KMT2C: variants seen among roughly 807,000 people sequenced by gnomAD.
The protein encoded by KMT2C is histone-lysine N-methyltransferase 2C.
A neutral mutation model predicts 507.9 loss-of-function variants in KMT2C; 88 were observed. The observed-to-expected ratio is 0.17, with a 90% CI of 0.15 to 0.21. The LOEUF is 0.21. KMT2C is among the 10% of genes least tolerant of loss of function. The probability of loss-of-function intolerance (pLI) is 1.00; values close to 1 mark genes in which losing one functional copy is unlikely to be tolerated. For missense variants in KMT2C, 4,954 were observed against 5,957.8 expected, an observed-to-expected ratio of 0.83 and a Z score of 5.55; for synonymous variants, 2,049 against 2,080.8, an observed-to-expected ratio of 0.98 and a Z score of 0.42.
intron 1 of KMT2C, among the ~76,000 whole-genome samples, chr7:152,397,609 T>C: frequency 6.6e-6 from 1 of 152,126 alleles, no homozygotes; most frequent in South Asian, 2.1e-4. Context: ...ACACACTTGA[T>C]ATGGTTTGGC....
intron 1 of KMT2C, among the ~76,000 whole-genome samples, chr7:152,371,276 A>G (rs1026523068): frequency 2.0e-5 from 3 of 152,226 alleles, no homozygotes; most frequent in Admixed American, 6.5e-5. Context: ...GAGACGTTAA[A>G]TGTAAAGTTG....
At chr7:152,243,125 G>A (rs113409342) in intron 14 of KMT2C, among the ~76,000 whole-genome samples, 14 of 152,118 alleles carry the variant, frequency 9.2e-5, no homozygotes, top group African/African-American at 3.1e-4. Context: ...AATTGAGTTC[G>A]ATATCAAGTA....
chr7:152,184,565 TATG>T (rs2093562250), intron 34 of KMT2C, among the ~76,000 whole-genome samples: 2 of 152,194 alleles, frequency 1.3e-5, no homozygotes, highest in South Asian at 4.1e-4. Flanking sequence ...AAAGATTCTC[TATG>T]AAACCTAACA....
chr7:152,151,300 G>A (rs1363142863), intron 50 of KMT2C, 142 bp downstream of exon 50: 1 of 818,358 alleles, frequency 1.2e-6, no homozygotes, highest in African/African-American at 1.7e-5. Context: ...AAGCACATCT[G>A]ATATACGCTG....
Position 152,315,306 on chromosome 7 carries a change from T to C in KMT2C, c.422A>G (p.Glu141Gly), listed in dbSNP as rs757111455. The change falls in exon 4 of 59, where the codon GAA (glutamate) becomes GGA (glycine). Residue 141 changes from glutamate (E) to glycine (G), a missense_variant. Glu to Gly is a moderately conservative substitution (Grantham distance 98, BLOSUM62 -2). Around this residue, in one of 29 missense-constraint regions of KMT2C, gnomAD observed 233 missense variants for 263.6 expected, o/e 0.88. Transcript: ENST00000262189. ...GTCTCCTTGTCCTAAGGAACTTTTT[T>C]CCCCACAGTAACAAAAAGCGCAGAG... ...EQLCAFCYCG[E>G]KSSLGQGDLK... 1 of 1,613,976 alleles carries C rather than the reference T, an allele frequency of 6.2e-7. No homozygotes were observed. Among genetic ancestry groups the C allele is most frequent in the East Asian group, 2.2e-5 (1 of 44,828 alleles).
rs753440174 is a variant in KMT2C at position 152,163,442 on chromosome 7, G to C, written c.10135C>G (p.Pro3379Ala). ...TCATCAAATTCTACCCGAGGTGGTG[G>C]TCCACTCTGTGGATTTGCATTTGAG... is the stretch of plus-strand genomic sequence containing the variant. ...TVSNANPQSG[P>A]PPRVEFDDNN... is the part of the protein sequence containing the mutation. The change falls in exon 43 of 59, where the codon CCA becomes GCA. Residue 3379 changes from proline (P) to alanine (A), a missense_variant. By Grantham distance (27) the Pro-to-Ala change is conservative (BLOSUM62 -1). This residue lies in a region of KMT2C where 801 missense variants were observed against 751.2 expected (regional missense o/e 1.07). Transcript: ENST00000262189. 2.5e-6 allele frequency: 4 copies of C among 1,614,076 alleles called. No homozygotes were observed. The highest frequency in any genetic ancestry group is 3.4e-6 in the Non-Finnish European group (4 of 1,180,044).
intron 1 of KMT2C, among the ~76,000 whole-genome samples, chr7:152,364,934 G>GACAGACAGACACAC (rs1554680382): frequency 4.3e-5 from 6 of 138,164 alleles, no homozygotes; most frequent in East Asian, 2.1e-4. Flanking sequence ...GAAACAGACA[G>GACAGACAGACACAC]ACACACACAC....
In KMT2C at chr7:152,303,218, G is replaced by A. The variant is rs1589048263; in HGVS notation, c.849+6748C>T. Among the ~76,000 whole-genome samples the A allele has an allele frequency of 2.0e-5, 3 of 152,112 alleles. No individual in the cohort carries two copies. In the East Asian group the frequency reaches 5.8e-4, roughly 29 times the overall value. On this transcript the variant is annotated intron_variant, in intron 6 of 58. Coordinates refer to ENST00000262189, the MANE Select transcript of KMT2C (RefSeq NM_170606.3). The stretch of plus-strand genomic sequence containing the variant: ...TGTTTCAGAGAAAACAAAATTGCTT[G>A]ACAAAAATGCCATGTTAACAACCGA...
chr7:152,355,861 T>C (rs114072506), intron 2 of KMT2C, among the ~76,000 whole-genome samples: 1,836 of 152,230 alleles, frequency 0.012, 44 homozygotes, highest in African/African-American at 0.043. Flanking sequence ...AGCTGTATAG[T>C]ACCTAAAAGG....
At chr7:152,435,434 G>C (rs1448377254) in intron 1 of KMT2C, among the ~76,000 whole-genome samples, 192 bp downstream of exon 1, 2 of 147,418 alleles carry the variant, frequency 1.4e-5, no homozygotes, top group Non-Finnish European at 3.0e-5. Context: ...CGCGGAGCGG[G>C]GGAGGCCGGG....
chr7:152,434,901 G>A (rs1028840761), intron 1 of KMT2C, among the ~76,000 whole-genome samples: 2 of 152,134 alleles, frequency 1.3e-5, no homozygotes, highest in Non-Finnish European at 2.9e-5. Flanking sequence ...TTGGTATTCT[G>A]CCTTACGAGG....
rs142923466 is a variant in KMT2C at position 152,309,703 on chromosome 7, T to A, written c.849+263A>T. Among the ~76,000 whole-genome samples the A allele has an allele frequency of 7.6e-3, 1,158 of 151,604 alleles. 18 individuals are homozygous for A. Among genetic ancestry groups the A allele is most frequent in the African/African-American group, 0.027 (1,117 of 41,314 alleles). ...GCCCAGCTAATTTTTGTATTTTTGG[T>A]AGAGAAGGGGTTTTACCATGTTGGC... On this transcript the variant is annotated intron_variant, in intron 6 of 58. Coordinates refer to ENST00000262189, the MANE Select transcript of KMT2C (RefSeq NM_170606.3).
intron 1 of KMT2C, among the ~76,000 whole-genome samples, chr7:152,377,319 C>T (rs1444487741): frequency 1.3e-5 from 2 of 152,286 alleles, no homozygotes; most frequent in South Asian, 2.1e-4. Context: ...CCAGGTCATT[C>T]GAGGGCTTTG....
chr7:152,305,304 T>C (rs969561893), intron 6 of KMT2C, among the ~76,000 whole-genome samples: 2 of 152,184 alleles, frequency 1.3e-5, no homozygotes, highest in Non-Finnish European at 2.9e-5. Flanking sequence ...ATTTGAAATC[T>C]TTGACAGCAA....
At chr7:152,427,721 T>C (rs1413837622) in intron 1 of KMT2C, among the ~76,000 whole-genome samples, 1 of 152,232 alleles carries the variant, frequency 6.6e-6, no homozygotes, top group Non-Finnish European at 1.5e-5. Flanking sequence ...AATCCTTTAC[T>C]AATTCCCATA....
chr7:152,349,007 T>C (rs958160128), intron 2 of KMT2C, among the ~76,000 whole-genome samples: 14 of 152,136 alleles, frequency 9.2e-5, no homozygotes, highest in Admixed American at 6.5e-5. Flanking sequence ...AAATTGCACA[T>C]AGATGTTGAC....
chr7:152,199,544 G>A (rs1226950729), intron 26 of KMT2C, 85 bp from the exon 27 acceptor site: 1 of 794,820 alleles, frequency 1.3e-6, no homozygotes, highest in African/African-American at 1.8e-5. Flanking sequence ...TGACAAGGAA[G>A]CAGAAATAAC....
intron 1 of KMT2C, among the ~76,000 whole-genome samples, chr7:152,403,715 TACACACACACACACACACAC>T (rs36191060): frequency 6.9e-6 from 1 of 145,746 alleles, no homozygotes; most frequent in African/African-American, 2.6e-5. Flanking sequence ...CTGGGACACA[TACACACACACACACACACAC>T]ACACACACAC....
At position 152,138,788 on chromosome 7, in the gene KMT2C, A is replaced by G. The variant is rs1587586743; in HGVS notation, c.14643+8T>C. 1.3e-6 allele frequency: 2 copies of G among 1,558,780 alleles called. No homozygotes were observed. Among genetic ancestry groups the G allele is most frequent in the Non-Finnish European group, 1.8e-6 (2 of 1,139,302 alleles). On this transcript the variant is annotated splice_region_variant and intron_variant, in intron 58 of 58. Coordinates refer to ENST00000262189, the MANE Select transcript of KMT2C (RefSeq NM_170606.3). The surrounding 1 kb of genome is among the most constrained non-coding windows in gnomAD (Gnocchi z 4.2). ...CAACATGGCAGATGCAATCTCTCAC[A>G]CTCTTACCTCTTCTCCTTTCTGGAT...
Sources: gnomAD v4.1 joint callset for allele counts (sites outside exome capture counted in the v4.1 genomes callset) on GRCh38, gnomAD v4.1.1 for gene constraint, gnomAD v4.1.1 regional missense constraint, Gnocchi (gnomAD v3.1) non-coding constraint, MANE v1.5 for transcripts, NCBI Gene and HGNC (gene_info 2026-07-23, HGNC 2026-07-21) for gene names.